RYR2: variants seen among roughly 807,000 people sequenced by gnomAD.
RYR2 encodes ryanodine receptor 2.
In RYR2, 227 loss-of-function variants were observed where a neutral mutation model predicts 601.1. That is an observed-to-expected ratio of 0.38 (90% CI 0.34 to 0.42). RYR2 has a LOEUF of 0.42. Among genes scored for constraint, RYR2 ranks in the 10% least tolerant of loss-of-function variants. The pLI is 1.00. For missense variants in RYR2, 4,646 were observed against 6,156.5 expected (o/e 0.75, Z 8.21); for synonymous variants, 2,223 against 2,175.1 (o/e 1.02, Z -0.61).
At chr1:237,464,965 A>G (rs183547178) in intron 16 of RYR2, among the ~76,000 whole-genome samples, 4 of 152,156 alleles carry the variant, frequency 2.6e-5, no homozygotes, top group East Asian at 1.9e-4. Flanking sequence ...ATACTTTTTC[A>G]TTACTTTAGA....
intron 1 of RYR2, among the ~76,000 whole-genome samples, chr1:237,077,688 C>G (rs1665146212): frequency 6.7e-6 from 1 of 150,260 alleles, no homozygotes; most frequent in Non-Finnish European, 1.5e-5. Flanking sequence ...GAGACTTTAA[C>G]ACCCCACTGT....
chr1:237,508,782 G>T (rs371650114), intron 23 of RYR2, among the ~76,000 whole-genome samples: 3 of 110,606 alleles, frequency 2.7e-5, no homozygotes, highest in Non-Finnish European at 5.0e-5. Context: ...TTGCTCTGTC[G>T]CCCAGGCTGG....
chr1:237,502,337 T>C (rs1664726126), intron 21 of RYR2, among the ~76,000 whole-genome samples: 1 of 152,214 alleles, frequency 6.6e-6, no homozygotes, highest in Non-Finnish European at 1.5e-5. Flanking sequence ...TTCTTTTTCG[T>C]TGTTGAGATT....
chr1:237,832,214 T>TG lies in RYR2; in HGVS notation c.14809-338_14809-337insG, dbSNP rs1469211818. Among the ~76,000 whole-genome samples, 300 of 132,784 alleles carry TG rather than the reference T, an allele frequency of 2.3e-3. 1 individual carries two copies. The highest frequency in any genetic ancestry group is 0.011 in the South Asian group (50 of 4,516). The allele number at this position is 132,784 out of a possible 152,430, so 87.1% of individuals were successfully genotyped here. A position where few individuals can be genotyped will look rare whatever the true frequency, so the allele number is the denominator to read the frequency against. On this transcript the variant is annotated intron_variant, in intron 104 of 104. Transcript: ENST00000366574. Reference sequence around the variant, plus strand: ...CCACCACACCTGGCTTTTTTTTGTGTTTTTTTTTTTTTAATTTTAGTACAG... The same window carrying TG: ...CCACCACACCTGGCTTTTTTTTGTGTGTTTTTTTTTTTTAATTTTAGTACAG...
At chr1:237,262,358 T>C (rs1044278149) in intron 1 of RYR2, among the ~76,000 whole-genome samples, 2 of 144,442 alleles carry the variant, frequency 1.4e-5, no homozygotes, top group South Asian at 2.3e-4. Context: ...CAGGTTCAAG[T>C]GATTCTCCTG....
chr1:237,827,528 G>A (rs1291849059), intron 101 of RYR2, among the ~76,000 whole-genome samples: 2 of 151,588 alleles, frequency 1.3e-5, no homozygotes, highest in African/African-American at 4.9e-5. Flanking sequence ...TACTTGGGAC[G>A]CTGAGGCAGG....
intron 16 of RYR2, among the ~76,000 whole-genome samples, chr1:237,464,396 T>C (rs991773886): frequency 6.7e-5 from 9 of 135,090 alleles, no homozygotes; most frequent in African/African-American, 2.3e-4. Context: ...TCCATTCTTA[T>C]TGAGCATTTG....
intron 6 of RYR2, among the ~76,000 whole-genome samples, chr1:237,374,310 T>G (rs950800836): frequency 6.6e-6 from 1 of 151,838 alleles, no homozygotes; most frequent in African/African-American, 2.4e-5. Flanking sequence ...TGCTTGAGTT[T>G]AGGAGTTTGA....
chr1:237,106,841 G>A lies in RYR2; in HGVS notation c.48+64272G>A, dbSNP rs1268321807. The stretch of plus-strand genomic sequence containing the variant: ...AGGCTCGCTTCCTGGTTCATAGGCG[G>A]CTGTCTTCTTGCTGTGTTGTCACGT... On this transcript the variant is annotated intron_variant, in intron 1 of 104. Coordinates refer to ENST00000366574, the MANE Select transcript of RYR2 (RefSeq NM_001035.3). The surrounding 1 kb of genome is among the most constrained non-coding windows in gnomAD (Gnocchi z 4.4). Among the ~76,000 whole-genome samples, 1 of 152,192 alleles carries A rather than the reference G, an allele frequency of 6.6e-6. No homozygotes were observed.
intron 1 of RYR2, among the ~76,000 whole-genome samples, chr1:237,167,320 A>G (rs961716811): frequency 9.2e-5 from 14 of 152,308 alleles, no homozygotes; most frequent in Middle Eastern, 3.4e-3. Flanking sequence ...GCCTTTTGAT[A>G]AAAATTTCAC....
intron 2 of RYR2, among the ~76,000 whole-genome samples, chr1:237,301,838 T>C (rs1303552795): frequency 6.6e-6 from 1 of 152,184 alleles, no homozygotes; most frequent in Non-Finnish European, 1.5e-5. Flanking sequence ...ACGGTGACTT[T>C]CTGCTAGAGA....
chr1:237,593,107 G>C (rs1675414971), intron 32 of RYR2, among the ~76,000 whole-genome samples: 1 of 151,762 alleles, frequency 6.6e-6, no homozygotes, highest in Admixed American at 6.6e-5. Flanking sequence ...ATGGATTCGT[G>C]GTTTTATTAC....
intron 1 of RYR2, among the ~76,000 whole-genome samples, chr1:237,232,726 G>C (rs560501608): frequency 6.6e-6 from 1 of 152,104 alleles, no homozygotes; most frequent in East Asian, 1.9e-4. Context: ...CCCTTAACCG[G>C]GGAATCTGAG....
intron 1 of RYR2, among the ~76,000 whole-genome samples, chr1:237,125,252 G>T (rs76112761): frequency 0.027 from 4,153 of 152,146 alleles, 99 homozygotes; most frequent in African/African-American, 0.06. Flanking sequence ...CCACGCCCAG[G>T]CCTCGGAGGT....
At chr1:237,273,964 TTAAA>T (rs1250333286) in intron 2 of RYR2, among the ~76,000 whole-genome samples, 1 of 146,638 alleles carries the variant, frequency 6.8e-6, no homozygotes, top group Non-Finnish European at 1.5e-5. Flanking sequence ...AACGCATATA[TTAAA>T]TATATTTATA....
chr1:237,430,630 CAT>C (rs1416133082), intron 12 of RYR2, among the ~76,000 whole-genome samples: 1 of 152,080 alleles, frequency 6.6e-6, no homozygotes, highest in East Asian at 1.9e-4. Flanking sequence ...TTACAATAGT[CAT>C]ATTTATTTTA....
intron 83 of RYR2, among the ~76,000 whole-genome samples, chr1:237,760,278 A>G (rs1414607211): frequency 1.4e-5 from 2 of 147,640 alleles, no homozygotes; most frequent in Non-Finnish European, 3.0e-5. Context: ...AGATTTCTTG[A>G]GCCCAGAAGT....
At chr1:237,321,863 C>T (rs1342504201) in intron 2 of RYR2, among the ~76,000 whole-genome samples, 3 of 152,162 alleles carry the variant, frequency 2.0e-5, no homozygotes, top group Non-Finnish European at 2.9e-5. Context: ...CATGAGGCTT[C>T]TTAATGTTAA....
chr1:237,521,986 T>TA (rs1667134411), intron 24 of RYR2, among the ~76,000 whole-genome samples: 1 of 152,144 alleles, frequency 6.6e-6, no homozygotes, highest in Non-Finnish European at 1.5e-5. Flanking sequence ...TTTCTTTTTT[T>TA]ATTATACTTT....
Sources: allele counts gnomAD v4.1 joint callset (sites outside exome capture counted in the v4.1 genomes callset), GRCh38; gene constraint gnomAD v4.1.1; non-coding constraint Gnocchi (gnomAD v3.1); transcripts MANE v1.5; gene names NCBI Gene and HGNC (gene_info 2026-07-23, HGNC 2026-07-21).